Variants in PAWR observed in about 807,000 individuals in gnomAD.
PAWR encodes the protein pro-apoptotic WT1 regulator, also known as PRKC apoptosis WT1 regulator protein.
PAWR carries 23 observed loss-of-function variants against 32.0 expected under a neutral mutation model. The observed-to-expected ratio is 0.72, with a 90% confidence interval of 0.52 to 1.02. The LOEUF is 1.02. PAWR is among the 50% of genes least tolerant of loss of function. The pLI is 0.00. For missense variants in PAWR, 457 were observed against 437.7 expected (o/e 1.04, Z -0.39); for synonymous variants, 226 against 187.1 (o/e 1.21, Z -1.70).
intron 2 of PAWR, among the ~76,000 whole-genome samples, chr12:79,680,043 G>A (rs1164598981): frequency 6.6e-6 from 1 of 152,140 alleles, no homozygotes; most frequent in Non-Finnish European, 1.5e-5. Context: ...GATTGATGGG[G>A]ATACAGATAT....
rs1281376729 is a variant in PAWR at position 79,588,613 on chromosome 12, T to C, written c.*3994A>G. On this transcript the variant is annotated 3_prime_UTR_variant, in exon 7 of 7. Transcript: ENST00000328827. ...ATGCTAAGACTGCATTTTGTGCTAC[T>C]GACATGCACTATATAGATCGTACAC... 6.6e-6 allele frequency: 1 copy of C among 151,982 alleles called. No homozygotes were observed. Among genetic ancestry groups the C allele is most frequent in the African/African-American group, 2.4e-5 (1 of 41,440 alleles). The allele number at this position is 151,982 out of a possible 1,614,324, so 9.4% of individuals were successfully genotyped here.
chr12:79,690,302 C>CT lies in PAWR; in HGVS notation c.-59dup. On this transcript the variant is annotated 5_prime_UTR_variant, in exon 2 of 7. Coordinates refer to ENST00000328827, the MANE Select transcript of PAWR (RefSeq NM_002583.4). The stretch of plus-strand genomic sequence containing the variant: ...AGGCCGCCCACCAGGGCTCCGGCCG[C>CT]TGCCTCCTCTTCCTTCCTGCGGCCC... The CT allele has an allele frequency of 7.2e-7, 1 of 1,386,136 alleles. No individual in the cohort carries two copies. Among genetic ancestry groups the CT allele is most frequent in the Non-Finnish European group, 9.3e-7 (1 of 1,071,262 alleles). The allele number at this position is 1,386,136 out of a possible 1,614,324, so 85.9% of individuals were successfully genotyped here. A position where few individuals can be genotyped will look rare whatever the true frequency, so the allele number is the denominator to read the frequency against.
rs576309689 is a variant in PAWR, at chr12:79,609,731, C to G, written c.683+3844G>C. The stretch of plus-strand genomic sequence containing the variant: ...CCACCCTTCAATTCGTTCATGTGAC[C>G]TGATTTTTCCTGGACACTGAATGGG... On this transcript the variant is annotated intron_variant, in intron 4 of 6. Transcript: ENST00000328827. Among the ~76,000 whole-genome samples, 26 of 152,144 alleles carry G rather than the reference C, an allele frequency of 1.7e-4. No homozygotes were observed. In the East Asian group the frequency reaches 5.0e-3, roughly 29 times the overall value.
intron 4 of PAWR, among the ~76,000 whole-genome samples, chr12:79,612,913 G>A (rs7955388): frequency 0.2 from 30,062 of 152,134 alleles, 7,869 homozygotes; most frequent in African/African-American, 0.6. Flanking sequence ...GTGTACAGGT[G>A]GTGCAACGGA....
intron 2 of PAWR, among the ~76,000 whole-genome samples, chr12:79,681,126 AGGGAGGGGAG>A (rs1274912588): frequency 4.2e-3 from 69 of 16,356 alleles, no homozygotes; most frequent in African/African-American, 0.015. Context: ...AAGGAGAAGA[AGGGAGGGGAG>A]GGGAGGGGTG....
At chr12:79,675,275 G>A (rs1481025846) in intron 2 of PAWR, among the ~76,000 whole-genome samples, 3 of 152,120 alleles carry the variant, frequency 2.0e-5, no homozygotes, top group Non-Finnish European at 2.9e-5. Flanking sequence ...CTACTCGGGA[G>A]GCTGAGGTGG....
chr12:79,621,126 G>C lies in PAWR; in HGVS notation c.598C>G (p.Gln200Glu). ...TCTAGTAAGTTTACAGCTTCATTCT[G>C]AATAGTGTTCTGTTGTGTAATTGCA... ...EDAITQQNTIQNEAVNLLDPG... is the reference protein window; with the variant it reads ...EDAITQQNTIENEAVNLLDPG... The change falls in exon 3 of 7, where the codon CAG (glutamine) becomes GAG (glutamate). Residue 200 changes from glutamine to glutamate, a missense_variant. Physicochemically the swap from Gln to Glu is conservative, Grantham distance 29. Coordinates refer to ENST00000328827, the MANE Select transcript of PAWR (RefSeq NM_002583.4). The C allele has an allele frequency of 6.2e-7, 1 of 1,609,058 alleles. No homozygotes were observed.
intron 2 of PAWR, among the ~76,000 whole-genome samples, chr12:79,686,526 T>C (rs1365198462): frequency 1.3e-5 from 2 of 152,170 alleles, no homozygotes; most frequent in Admixed American, 6.5e-5. Context: ...ACCCATTCAA[T>C]ATTACAGGGT....
chr12:79,643,828 T>C (rs1876446074), intron 2 of PAWR, among the ~76,000 whole-genome samples: 1 of 152,178 alleles, frequency 6.6e-6, no homozygotes, highest in Non-Finnish European at 1.5e-5. Flanking sequence ...ATCAAAATTT[T>C]ACATAGCAAA....
At chr12:79,665,767 C>T (rs1273758512) in intron 2 of PAWR, among the ~76,000 whole-genome samples, 4 of 152,120 alleles carry the variant, frequency 2.6e-5, no homozygotes, top group Non-Finnish European at 5.9e-5. Context: ...CCTGTCTTGC[C>T]TCAAGAGCGC....
intron 2 of PAWR, among the ~76,000 whole-genome samples, chr12:79,667,455 T>A (rs1300161688): frequency 6.6e-6 from 1 of 152,186 alleles, no homozygotes; most frequent in Non-Finnish European, 1.5e-5. Context: ...GGGGGATGCA[T>A]TCAGCAAAAT....
At chr12:79,675,240 C>T (rs1394910092) in intron 2 of PAWR, among the ~76,000 whole-genome samples, 1 of 151,936 alleles carries the variant, frequency 6.6e-6, no homozygotes, top group Non-Finnish European at 1.5e-5. Context: ...TTTAGCTGGG[C>T]GTGGTGCCGC....
intron 2 of PAWR, chr12:79,632,253 T>C (rs1379911266): frequency 8.1e-6 from 1 of 124,002 alleles, no homozygotes; most frequent in African/African-American, 3.3e-5. Flanking sequence ...GTAAAGATAT[T>C]CATACAAAAG....
In PAWR at chr12:79,661,300, A is replaced by C. The variant is rs1169242111; in HGVS notation, c.516+28429T>G. On this transcript the variant is annotated intron_variant, in intron 2 of 6. Coordinates refer to ENST00000328827, the MANE Select transcript of PAWR (RefSeq NM_002583.4). Reference sequence around the variant, plus strand: ...ACATTTTAGTAAACTTTGAGCCATAATATTTCTACAATCTGTCCTTAGAAA... The same window carrying C: ...ACATTTTAGTAAACTTTGAGCCATACTATTTCTACAATCTGTCCTTAGAAA... Among the ~76,000 whole-genome samples the C allele has an allele frequency of 2.8e-4, 43 of 152,048 alleles. 1 individual carries two copies. The highest frequency in any genetic ancestry group is 7.4e-5 in the Non-Finnish European group (5 of 67,980).
chr12:79,628,039 T>C (rs895704229), intron 2 of PAWR, among the ~76,000 whole-genome samples: 19 of 152,220 alleles, frequency 1.2e-4, no homozygotes, highest in African/African-American at 2.9e-4. Flanking sequence ...TACTCCAAAA[T>C]TGACCACATA....
chr12:79,655,449 G>T (rs377270269), intron 2 of PAWR, among the ~76,000 whole-genome samples: 3 of 152,190 alleles, frequency 2.0e-5, no homozygotes, highest in Admixed American at 2.0e-4. Context: ...GCTCTCCTTA[G>T]AATTCCCTAG....
chr12:79,656,419 A>C (rs1214815268), intron 2 of PAWR, among the ~76,000 whole-genome samples: 1 of 152,178 alleles, frequency 6.6e-6, no homozygotes, highest in Non-Finnish European at 1.5e-5. Flanking sequence ...TTGACAACAT[A>C]CGGTGAATGG....
intron 3 of PAWR, among the ~76,000 whole-genome samples, chr12:79,614,314 A>G (rs1874624192): frequency 6.6e-6 from 1 of 151,734 alleles, no homozygotes; most frequent in Non-Finnish European, 1.5e-5. Context: ...CCGGCCTTAT[A>G]GTCTTTATAT....
chr12:79,626,558 G>A (rs932440243), intron 2 of PAWR, among the ~76,000 whole-genome samples: 8 of 151,080 alleles, frequency 5.3e-5, no homozygotes, highest in Middle Eastern at 3.2e-3. Flanking sequence ...ACGCCCCGCC[G>A]AAATGACAAC....
Sources: gnomAD v4.1 joint callset for allele counts (sites outside exome capture counted in the v4.1 genomes callset) on GRCh38, gnomAD v4.1.1 for gene constraint, MANE v1.5 for transcripts, NCBI Gene and HGNC (gene_info 2026-07-23, HGNC 2026-07-21) for gene names.